FH: variants seen among roughly 807,000 people sequenced by gnomAD.
FH encodes fumarate hydratase, mitochondrial.
FH carries 22 observed loss-of-function variants against 49.4 expected under a neutral mutation model. The observed-to-expected ratio is 0.45, with a 90% CI of 0.32 to 0.64. The LOEUF (loss-of-function observed/expected upper bound fraction) is 0.64. Ranked by LOEUF, FH falls within the 30% of genes least tolerant of loss-of-function variation. FH has a pLI of 0.05. For missense variants in FH, 526 were observed against 641.5 expected (o/e 0.82, Z 1.95); for synonymous variants, 208 against 223.0 (o/e 0.93, Z 0.60).
At chr1:241,509,433 G>A (rs1199333724) in intron 4 of FH, among the ~76,000 whole-genome samples, 1 of 152,150 alleles carries the variant, frequency 6.6e-6, no homozygotes, top group African/African-American at 2.4e-5. Context: ...TAGCCAGGTA[G>A]TATATACTCA....
At chr1:241,513,969 C>T (rs544519998) in intron 2 of FH, among the ~76,000 whole-genome samples, 3 of 152,096 alleles carry the variant, frequency 2.0e-5, no homozygotes, top group Non-Finnish European at 2.9e-5. Flanking sequence ...TATGTGTGTA[C>T]GTCTCCCACA....
chr1:241,519,661 G>T lies in FH; in HGVS notation c.62C>A (p.Ala21Asp). 1 of 1,547,912 alleles carries T rather than the reference G, an allele frequency of 6.5e-7. No individual in the cohort carries two copies. Among genetic ancestry groups the T allele is most frequent in the Non-Finnish European group, 8.7e-7 (1 of 1,146,462 alleles). The change falls in exon 1 of 10, where the codon GCC becomes GAC. Residue 21 changes from alanine to aspartate, a missense_variant. Ala to Asp is a moderately radical substitution (Grantham distance 126, BLOSUM62 -2). This residue lies in a region of FH where 143 missense variants were observed against 127.5 expected (regional missense o/e 1.12). Coordinates refer to ENST00000366560, the MANE Select transcript of FH (RefSeq NM_000143.4). Reference sequence around the variant, plus strand: ...ACCCAAGCCGGGAGCCGAAGCTAAGGCTGCGGCTGGAGCCCGCACGAGGGG... The same window carrying T: ...ACCCAAGCCGGGAGCCGAAGCTAAGTCTGCGGCTGGAGCCCGCACGAGGGG... Reference protein sequence around the residue: ...SRPLVRAPAAALASAPGLGGA... With the variant: ...SRPLVRAPAADLASAPGLGGA...
At chr1:241,501,021 G>A (rs1035261671) in intron 8 of FH, among the ~76,000 whole-genome samples, 2 of 152,140 alleles carry the variant, frequency 1.3e-5, no homozygotes, top group Admixed American at 6.5e-5. Context: ...GCAGAGGTTC[G>A]AAAGTTCAGT....
rs1659852423 is a variant in FH, at chr1:241,504,134, G to A, written c.1016C>T (p.Ala339Val). 3.1e-6 allele frequency: 5 copies of A among 1,614,200 alleles called. No homozygotes were observed. Among genetic ancestry groups the A allele is most frequent in the Non-Finnish European group, 3.4e-6 (4 of 1,180,024 alleles). Residue 339 changes from alanine to valine, a missense_variant, in exon 7 of 10, where the codon GCA (alanine) becomes GTA (valine). Ala to Val is a moderately conservative substitution (Grantham distance 64). Around this residue, in one of 2 missense-constraint regions of FH, gnomAD observed 383 missense variants for 514.0 expected, o/e 0.75. Coordinates refer to ENST00000366560, the MANE Select transcript of FH (RefSeq NM_000143.4). The stretch of plus-strand genomic sequence containing the variant: ...AGAACCCAAAAATCGAATATCATTT[G>A]CTATCTTCATCAGACTGCAGGCAGT... Reference protein sequence around the residue: ...NTTACSLMKIANDIRFLGSGP... With the variant: ...NTTACSLMKIVNDIRFLGSGP...
intron 2 of FH, among the ~76,000 whole-genome samples, chr1:241,513,964 G>A (rs1290461203): frequency 6.6e-6 from 1 of 152,074 alleles, no homozygotes; most frequent in Admixed American, 6.5e-5. Context: ...ATATATATGT[G>A]TGTACGTCTC....
intron 9 of FH, among the ~76,000 whole-genome samples, chr1:241,498,776 C>G (rs1375429011): frequency 1.1e-5 from 1 of 91,800 alleles, no homozygotes; most frequent in Admixed American, 1.3e-4. Context: ...AAAATGAAAC[C>G]AATGCGGGAG....
At chr1:241,502,343 C>A in intron 8 of FH, 100 bp downstream of exon 8, 1 of 1,367,306 alleles carries the variant, frequency 7.3e-7, no homozygotes, top group Non-Finnish European at 1.0e-6. Flanking sequence ...TTATGTCACC[C>A]AACTACCCAA....
intron 5 of FH, among the ~76,000 whole-genome samples, chr1:241,508,028 T>C (rs1659973234): frequency 6.6e-6 from 1 of 152,198 alleles, no homozygotes; most frequent in South Asian, 2.1e-4. Context: ...GAGTAGTATC[T>C]CCTTCACATG....
Position 241,510,939 on chromosome 1 carries a change from CCT to C in FH, c.555+1026_555+1027del, listed in dbSNP as rs1476814934. On this transcript the variant is annotated intron_variant, in intron 4 of 9. Coordinates refer to ENST00000366560, the MANE Select transcript of FH (RefSeq NM_000143.4). ...AAAAGTCATGTTGCTATCATGAACCCCTGATATGATGCAATGAGAAGGGCCCT... is the reference window on the plus strand; with the variant it reads ...AAAAGTCATGTTGCTATCATGAACCCGATATGATGCAATGAGAAGGGCCCT... Among the ~76,000 whole-genome samples the C allele has an allele frequency of 1.3e-4, 20 of 152,160 alleles. No homozygotes were observed. The East Asian group carries it at 3.3e-3, about 25-fold the overall frequency.
chr1:241,501,042 G>A (rs779593598), intron 8 of FH, among the ~76,000 whole-genome samples: 1 of 152,118 alleles, frequency 6.6e-6, no homozygotes, highest in African/African-American at 2.4e-5. Context: ...ATGAGTGTGA[G>A]GCAATTAGTA....
At chr1:241,509,725 A>C (rs920375186) in intron 4 of FH, among the ~76,000 whole-genome samples, 1 of 151,578 alleles carries the variant, frequency 6.6e-6, no homozygotes, top group Non-Finnish European at 1.5e-5. Context: ...GCAGTGAGCT[A>C]TGCTCACTCT....
At chr1:241,509,068 ATATATTATGTAT>A (rs903014702) in intron 4 of FH, among the ~76,000 whole-genome samples, 14 of 148,480 alleles carry the variant, frequency 9.4e-5, no homozygotes, top group East Asian at 1.9e-4. Flanking sequence ...GTATTATATA[ATATATTATGTAT>A]TATATTATGT....
At chr1:241,504,376 T>A in intron 6 of FH, 131 bp from the exon 7 acceptor site, 1 of 830,958 alleles carries the variant, frequency 1.2e-6, no homozygotes, top group Non-Finnish European at 1.9e-6. Context: ...AATGTTTACT[T>A]AAGACTCAAA....
intron 7 of FH, among the ~76,000 whole-genome samples, chr1:241,503,652 G>A (rs1376809801): frequency 1.3e-5 from 2 of 152,212 alleles, no homozygotes; most frequent in African/African-American, 2.4e-5. Flanking sequence ...ACTATCATGC[G>A]AATCTATCAA....
intron 1 of FH, among the ~76,000 whole-genome samples, chr1:241,518,492 G>A (rs1660279560): frequency 6.6e-6 from 1 of 152,180 alleles, no homozygotes; most frequent in African/African-American, 2.4e-5. Flanking sequence ...GTTGTATATC[G>A]TAGGTATAGT....
intron 2 of FH, among the ~76,000 whole-genome samples, chr1:241,516,739 G>T (rs1221972152): frequency 6.6e-6 from 1 of 151,376 alleles, no homozygotes; most frequent in Non-Finnish European, 1.5e-5. Flanking sequence ...TGCAACCTCC[G>T]CCTCCCGGGT....
rs952675382 is a variant in FH, at chr1:241,502,675, C to G, written c.1109-105G>C. 21 of 1,324,252 alleles carry G rather than the reference C, an allele frequency of 1.6e-5. No homozygotes were observed. In the South Asian group the frequency reaches 1.9e-4, roughly 12 times the overall value. 82.0% of individuals were successfully genotyped at this position (1,324,252 alleles called of 1,614,324 possible). ...AAATAGAGTAAGATATACAATAAAG[C>G]AAGGCCCAACCATCAGTGTAATTTA... On this transcript the variant is annotated intron_variant, in intron 7 of 9. Transcript: ENST00000366560.
Position 241,500,605 on chromosome 1 carries a change from G to C in FH, c.1237-15C>G, listed in dbSNP as rs756369327. ...ACATTTTTAATCTTTGAGTGAGTGA[G>C]AGAGAGAGAGAGAGAGAGAGAGAGA... On this transcript the variant is annotated splice_polypyrimidine_tract_variant and intron_variant, in intron 8 of 9. Coordinates refer to ENST00000366560, the MANE Select transcript of FH (RefSeq NM_000143.4). The C allele has an allele frequency of 7.2e-7, 1 of 1,379,440 alleles. No homozygotes were observed. Among genetic ancestry groups the C allele is most frequent in the East Asian group, 3.2e-5 (1 of 31,532 alleles). 85.5% of individuals were successfully genotyped at this position (1,379,440 alleles called of 1,614,324 possible). A position where few individuals can be genotyped will look rare whatever the true frequency, so the allele number is the denominator to read the frequency against.
chr1:241,498,034 G>A, intron 9 of FH, 64 bp from the exon 10 acceptor site: 1 of 1,541,270 alleles, frequency 6.5e-7, no homozygotes, highest in Non-Finnish European at 9.0e-7. Context: ...TAAAGCAAAA[G>A]GTGACATAAT....
Sources: gnomAD v4.1 joint callset for allele counts (sites outside exome capture counted in the v4.1 genomes callset) on GRCh38, gnomAD v4.1.1 for gene constraint, gnomAD v4.1.1 regional missense constraint, MANE v1.5 for transcripts, NCBI Gene and HGNC (gene_info 2026-07-23, HGNC 2026-07-21) for gene names.